The following CSMD3 variants were observed in gnomAD, a reference collection of about 807,000 sequenced individuals.
CSMD3 encodes the protein CUB and sushi domain-containing protein 3.
CSMD3 carries 177 observed loss-of-function variants against 435.2 expected under a neutral mutation model. The observed-to-expected ratio is 0.41, with a 90% CI of 0.36 to 0.46. CSMD3 has a LOEUF of 0.46. Ranked by LOEUF, CSMD3 falls within the 20% of genes least tolerant of loss-of-function variation. CSMD3 has a pLI of 0.34. For synonymous variants in CSMD3, 1,656 were observed against 1,520.5 expected, an observed-to-expected ratio of 1.09 and a Z score of -2.07; for missense variants, 4,265 against 4,504.6, an observed-to-expected ratio of 0.95 and a Z score of 1.52.
intron 11 of CSMD3, among the ~76,000 whole-genome samples, chr8:112,855,809 C>CTTTTTTTTTTTTTTTTTTTTTTT: frequency 7.4e-6 from 1 of 135,572 alleles, no homozygotes; most frequent in Non-Finnish European, 1.6e-5. Flanking sequence ...CTTAGCGAAG[C>CTTTTTTTTTTTTTTTTTTTTTTT]TTTTTTTTTT....
At chr8:112,786,385 C>T (rs1045632764) in intron 13 of CSMD3, among the ~76,000 whole-genome samples, 2 of 152,140 alleles carry the variant, frequency 1.3e-5, no homozygotes, top group Admixed American at 1.3e-4. Flanking sequence ...TTTATTACCC[C>T]AAAAGCACAG....
intron 31 of CSMD3, among the ~76,000 whole-genome samples, chr8:112,474,626 T>C (rs931034847): frequency 6.6e-6 from 1 of 152,182 alleles, no homozygotes; most frequent in Admixed American, 6.5e-5. Context: ...GGGAATTTAT[T>C]GAAGTTAATG....
intron 13 of CSMD3, among the ~76,000 whole-genome samples, chr8:112,715,911 C>T (rs890556781): frequency 6.6e-6 from 1 of 152,026 alleles, no homozygotes; most frequent in Non-Finnish European, 1.5e-5. Context: ...ACTAGATATT[C>T]ATGCAAAATA....
intron 17 of CSMD3, 35 bp from the exon 18 acceptor site, chr8:112,656,376 G>A (rs775529657): frequency 4.7e-6 from 7 of 1,490,690 alleles, no homozygotes; most frequent in Non-Finnish European, 3.7e-6. Context: ...AATATATTTA[G>A]AATTAACACT....
Position 112,224,909 on chromosome 8 carries a change from A to G in CSMD3, c.10986T>C (p.Tyr3662=), listed in dbSNP as rs1812431536. The G allele has an allele frequency of 1.9e-6, 3 of 1,614,060 alleles. No individual in the cohort carries two copies. Among genetic ancestry groups the G allele is most frequent in the African/African-American group, 1.3e-5 (1 of 75,048 alleles). ...YKQRTAPKTQ[Y]TGCSVHENNN... Reference sequence around the variant, plus strand: ...TATTTTCATGAACTGAACATCCTGTATACTGTGTTTTAGGTGCAGTCCTGT... The same window carrying G: ...TATTTTCATGAACTGAACATCCTGTGTACTGTGTTTTAGGTGCAGTCCTGT... The change falls in exon 71 of 71, where the codon TAT becomes TAC. Residue 3662 remains tyrosine, a synonymous_variant. Transcript: ENST00000297405.
chr8:112,722,981 GA>G (rs1345967020), intron 13 of CSMD3, among the ~76,000 whole-genome samples: 4 of 151,118 alleles, frequency 2.6e-5, no homozygotes, highest in Non-Finnish European at 5.9e-5. Flanking sequence ...GAAATCTTTA[GA>G]TGACATATTT....
At chr8:113,413,679 C>G (rs929902246) in intron 1 of CSMD3, among the ~76,000 whole-genome samples, 23 of 152,102 alleles carry the variant, frequency 1.5e-4, no homozygotes, top group Admixed American at 2.6e-4. Context: ...AGTTCTCAAC[C>G]TGTGGGATGT....
At chr8:112,396,889 A>T (rs2129845121) in intron 35 of CSMD3, among the ~76,000 whole-genome samples, 1 of 152,318 alleles carries the variant, frequency 6.6e-6, no homozygotes, top group East Asian at 1.9e-4. Flanking sequence ...CAAGAAAAAT[A>T]GGAGACTTCA....
At chr8:112,731,152 GT>G (rs1316409935) in intron 13 of CSMD3, among the ~76,000 whole-genome samples, 1 of 151,972 alleles carries the variant, frequency 6.6e-6, no homozygotes, top group East Asian at 1.9e-4. Context: ...ATATCTAATA[GT>G]TTTCTCTAAG....
chr8:112,563,219 C>T (rs373289525), intron 24 of CSMD3, among the ~76,000 whole-genome samples: 7 of 151,824 alleles, frequency 4.6e-5, no homozygotes, highest in African/African-American at 1.4e-4. Context: ...TTTGACACAA[C>T]ATGTATTTCT....
chr8:112,922,277 A>G (rs1011868815), intron 9 of CSMD3, among the ~76,000 whole-genome samples: 1 of 152,028 alleles, frequency 6.6e-6, no homozygotes, highest in Non-Finnish European at 1.5e-5. Context: ...GGGGTACCTA[A>G]GATGTTTTCA....
intron 16 of CSMD3, among the ~76,000 whole-genome samples, chr8:112,668,171 G>T (rs985909650): frequency 6.6e-6 from 1 of 152,058 alleles, no homozygotes; most frequent in African/African-American, 2.4e-5. Context: ...TAGTTTTAAA[G>T]GAGGCCATTT....
At chr8:113,182,731 T>C (rs748290843) in intron 3 of CSMD3, among the ~76,000 whole-genome samples, 3 of 152,044 alleles carry the variant, frequency 2.0e-5, no homozygotes, top group African/African-American at 4.8e-5. Context: ...GGGCATTGCC[T>C]TTGTCCTTTG....
chr8:112,749,679 T>G (rs2077522614), intron 13 of CSMD3, among the ~76,000 whole-genome samples: 1 of 152,176 alleles, frequency 6.6e-6, no homozygotes, highest in Non-Finnish European at 1.5e-5. Context: ...AAGTGATGGA[T>G]GAACTGTGAT....
chr8:112,670,639 G>A (rs1345242334), intron 16 of CSMD3, among the ~76,000 whole-genome samples: 1 of 152,164 alleles, frequency 6.6e-6, no homozygotes, highest in Non-Finnish European at 1.5e-5. Flanking sequence ...GTCAGAGGAA[G>A]GAGTCTAAAC....
Position 113,098,856 on chromosome 8 carries a change from C to T in CSMD3, c.817G>A (p.Ala273Thr), listed in dbSNP as rs2131546845. 6.2e-7 allele frequency: 1 copy of T among 1,612,102 alleles called. No individual in the cohort carries two copies. Among genetic ancestry groups the T allele is most frequent in the Non-Finnish European group, 8.5e-7 (1 of 1,178,426 alleles). The change falls in exon 5 of 71, where the codon GCA becomes ACA. Residue 273 changes from alanine (A) to threonine (T), a missense_variant. This residue lies in a region of CSMD3 where 731 missense variants were observed against 755.4 expected (regional missense o/e 0.97). Coordinates refer to ENST00000297405, the MANE Select transcript of CSMD3 (RefSeq NM_198123.2). Reference protein sequence around the residue: ...NNADCTWTIVAEPGDTISLIF... With the variant: ...NNADCTWTIVTEPGDTISLIF... ...AGTGAAATTGTGTCCCCAGGCTCTG[C>T]TACAATGGTCCAAGTGCAATCAGCA...
At chr8:112,859,564 C>T (rs1480048373) in intron 10 of CSMD3, among the ~76,000 whole-genome samples, 1 of 151,670 alleles carries the variant, frequency 6.6e-6, no homozygotes, top group South Asian at 2.1e-4. Context: ...GGTATATGTA[C>T]CCAATATTGT....
intron 9 of CSMD3, among the ~76,000 whole-genome samples, chr8:112,937,164 A>G (rs2083304590): frequency 6.6e-6 from 1 of 152,136 alleles, no homozygotes; most frequent in Non-Finnish European, 1.5e-5. Flanking sequence ...AGTTTGGATA[A>G]CATAGCTGGA....
At position 112,381,919 on chromosome 8, in the gene CSMD3, A is replaced by C. The variant is rs147351057; in HGVS notation, c.6032-1463T>G. Among the ~76,000 whole-genome samples the C allele has an allele frequency of 1.9e-4, 29 of 152,340 alleles. No homozygotes were observed. The East Asian group carries it at 5.4e-3, about 28-fold the overall frequency. ...CAAATGTCACACAGAGCTAGCACTTAGTAATCAACAGCTGTTATTTATCAC... is the reference window on the plus strand; with the variant it reads ...CAAATGTCACACAGAGCTAGCACTTCGTAATCAACAGCTGTTATTTATCAC... On this transcript the variant is annotated intron_variant, in intron 37 of 70. Coordinates refer to ENST00000297405, the MANE Select transcript of CSMD3 (RefSeq NM_198123.2).
Sources: gnomAD v4.1 joint callset for allele counts (sites outside exome capture counted in the v4.1 genomes callset) on GRCh38, gnomAD v4.1.1 for gene constraint, gnomAD v4.1.1 regional missense constraint, MANE v1.5 for transcripts, NCBI Gene and HGNC (gene_info 2026-07-23, HGNC 2026-07-21) for gene names.